IL36B: variants seen among roughly 807,000 people sequenced by gnomAD.
IL36B encodes the protein interleukin 36 beta.
In IL36B, 23 loss-of-function variants were observed where a neutral mutation model predicts 19.3. The ratio of observed to expected loss-of-function variants is 1.19; its 90% CI spans 0.86 to 1.69. The LOEUF (loss-of-function observed/expected upper bound fraction) is 1.69. Among genes scored for constraint, IL36B ranks in the 40% most tolerant of loss-of-function variants. The pLI, the probability that IL36B is intolerant of heterozygous loss-of-function variation, is 0.00. For synonymous variants in IL36B, 59 were observed against 59.7 expected, an observed-to-expected ratio of 0.99 and a Z score of 0.05; for missense variants, 217 against 200.5, an observed-to-expected ratio of 1.08 and a Z score of -0.50.
chr2:113,031,231 T>C, intron 2 of IL36B, 76 bp from the exon 3 acceptor site: 1 of 977,770 alleles, frequency 1.0e-6, no homozygotes, highest in South Asian at 1.3e-5. Flanking sequence ...CTGGTATTAA[T>C]GGCTTTTGAG....
rs35290985 is a variant in IL36B, at chr2:113,037,519, C to T, written c.-57-5753G>A. 1.9e-3 allele frequency among the ~76,000 whole-genome samples: 283 copies of T among 152,230 alleles called. 1 individual carries two copies. The highest frequency in any genetic ancestry group is 6.5e-3 in the African/African-American group (270 of 41,534). Reference sequence around the variant, plus strand: ...ACAAAATTAGCCAGGCGTGGTGGCACATGCTTGTAGTCCCAGCTACTCGGG... The same window carrying T: ...ACAAAATTAGCCAGGCGTGGTGGCATATGCTTGTAGTCCCAGCTACTCGGG... On this transcript the variant is annotated intron_variant, in intron 1 of 5. Transcript: ENST00000259213.
At chr2:113,034,352 A>C (rs1346786799) in intron 1 of IL36B, among the ~76,000 whole-genome samples, 2 of 152,218 alleles carry the variant, frequency 1.3e-5, no homozygotes, top group Non-Finnish European at 2.9e-5. Flanking sequence ...CAAAAAAGCC[A>C]ACTTCTCAAT....
intron 1 of IL36B, among the ~76,000 whole-genome samples, chr2:113,045,099 T>C (rs924389244): frequency 1.3e-5 from 2 of 152,200 alleles, no homozygotes; most frequent in Admixed American, 6.5e-5. Flanking sequence ...AAATCTCACA[T>C]ATGTATAAAT....
At chr2:113,049,037 T>C (rs1286334854) in intron 1 of IL36B, among the ~76,000 whole-genome samples, 2 of 152,232 alleles carry the variant, frequency 1.3e-5, no homozygotes, top group Non-Finnish European at 1.5e-5. Context: ...ATACTGATGA[T>C]GGCAGTTGTG....
At chr2:113,049,937 A>G (rs1685413480) in intron 1 of IL36B, among the ~76,000 whole-genome samples, 1 of 152,132 alleles carries the variant, frequency 6.6e-6, no homozygotes, top group Non-Finnish European at 1.5e-5. Context: ...CCTGGGCGAC[A>G]AGAGTGAAAC....
intron 1 of IL36B, among the ~76,000 whole-genome samples, chr2:113,044,670 G>A (rs1364980159): frequency 6.6e-6 from 1 of 151,960 alleles, no homozygotes. Context: ...AATTCAATCT[G>A]ACAATCTTTT....
At position 113,031,734 on chromosome 2, in the gene IL36B, G is replaced by A; in HGVS notation, c.-25C>T. On this transcript the variant is annotated 5_prime_UTR_variant, in exon 2 of 6. Coordinates refer to ENST00000259213, the MANE Select transcript of IL36B (RefSeq NM_014438.5). ...TGATGTCTTCAGAGCCTTTTGTGAA[G>A]AGAACAAGATAGATCAGATGGTGGT... 1 of 1,597,556 alleles carries A rather than the reference G, an allele frequency of 6.3e-7. No homozygotes were observed. The highest frequency in any genetic ancestry group is 8.6e-7 in the Non-Finnish European group (1 of 1,165,564).
intron 5 of IL36B, among the ~76,000 whole-genome samples, chr2:113,025,506 G>A (rs1040665862): frequency 6.6e-6 from 1 of 152,184 alleles, no homozygotes; most frequent in Admixed American, 6.5e-5. Context: ...ACAAATTTCT[G>A]CCTCTATGTA....
intron 3 of IL36B, among the ~76,000 whole-genome samples, chr2:113,029,563 C>T (rs1685034791): frequency 6.6e-6 from 1 of 152,198 alleles, no homozygotes; most frequent in African/African-American, 2.4e-5. Context: ...AGGATGTCTC[C>T]TGTATTTCCG....
At chr2:113,033,850 G>A (rs758400093) in intron 1 of IL36B, among the ~76,000 whole-genome samples, 14 of 152,198 alleles carry the variant, frequency 9.2e-5, no homozygotes, top group Admixed American at 5.9e-4. Flanking sequence ...AGTCAGACGC[G>A]GCTTCAATGT....
rs1573379170 is a variant in IL36B, at chr2:113,048,827, C to G, written c.-58+3990G>C. Among the ~76,000 whole-genome samples, 2 of 152,010 alleles carry G rather than the reference C, an allele frequency of 1.3e-5. 1 individual carries two copies. Among genetic ancestry groups the G allele is most frequent in the East Asian group, 3.9e-4 (2 of 5,182 alleles). ...AGAGGATACTACAAACAAATTTATG[C>G]CCATAAATTTAACATCTTAGATAAA... On this transcript the variant is annotated intron_variant, in intron 1 of 5. Transcript: ENST00000259213.
chr2:113,029,770 T>C (rs1685039525), intron 3 of IL36B, among the ~76,000 whole-genome samples: 1 of 152,060 alleles, frequency 6.6e-6, no homozygotes, highest in Admixed American at 6.6e-5. Context: ...GTAGGGGTGA[T>C]TCATCAATGC....
In IL36B at chr2:113,022,431, G is replaced by C. The variant is rs1483492306; in HGVS notation, c.*243C>G. The C allele has an allele frequency of 8.9e-6, 3 of 338,240 alleles. No homozygotes were observed. The highest frequency in any genetic ancestry group is 1.6e-5 in the Non-Finnish European group (3 of 184,352). The allele number at this position is 338,240 out of a possible 1,614,324, so 21.0% of individuals were successfully genotyped here. A position where few individuals can be genotyped will look rare whatever the true frequency, so the allele number is the denominator to read the frequency against. ...TACAATTTTTTAAAAAACACTCTAA[G>C]GACTGGACAAAACACATTTACAGGT... is the stretch of plus-strand genomic sequence containing the variant. On this transcript the variant is annotated 3_prime_UTR_variant, in exon 6 of 6. Transcript: ENST00000259213.
intron 4 of IL36B, chr2:113,027,478 A>G (rs893844520): frequency 2.0e-6 from 2 of 1,023,392 alleles, no homozygotes; most frequent in Admixed American, 1.0e-4. Flanking sequence ...CATTCATCTC[A>G]TTCTTCAGCT....
intron 1 of IL36B, among the ~76,000 whole-genome samples, chr2:113,048,571 C>T (rs1573379002): frequency 6.6e-6 from 1 of 152,032 alleles, no homozygotes; most frequent in Non-Finnish European, 1.5e-5. Flanking sequence ...GAGATTCCAC[C>T]TGAAGGTACT....
Position 113,030,029 on chromosome 2 carries a change from G to A in IL36B, c.122-951C>T, listed in dbSNP as rs139736130. Among the ~76,000 whole-genome samples, 269 of 152,246 alleles carry A rather than the reference G, an allele frequency of 1.8e-3. 2 individuals are homozygous for A. Among genetic ancestry groups the A allele is most frequent in the African/African-American group, 6.0e-3 (250 of 41,536 alleles). Reference sequence around the variant, plus strand: ...GGGCGGATCACGAGGTCAGGGGTTCGAGACCAGCCTGACCAATGTGGTGAA... The same window carrying A: ...GGGCGGATCACGAGGTCAGGGGTTCAAGACCAGCCTGACCAATGTGGTGAA... On this transcript the variant is annotated intron_variant, in intron 3 of 5. Coordinates refer to ENST00000259213, the MANE Select transcript of IL36B (RefSeq NM_014438.5).
At chr2:113,049,995 G>A (rs1295720290) in intron 1 of IL36B, among the ~76,000 whole-genome samples, 1 of 152,000 alleles carries the variant, frequency 6.6e-6, no homozygotes. Context: ...GAACCCTTGT[G>A]CACTGTTGGT....
chr2:113,041,750 A>AT (rs1685261888), intron 1 of IL36B, among the ~76,000 whole-genome samples: 1 of 152,156 alleles, frequency 6.6e-6, no homozygotes, highest in African/African-American at 2.4e-5. Context: ...AAGCAATCTA[A>AT]TTTTTTTAGA....
At chr2:113,040,898 G>A (rs1390177033) in intron 1 of IL36B, among the ~76,000 whole-genome samples, 1 of 152,164 alleles carries the variant, frequency 6.6e-6, no homozygotes, top group Non-Finnish European at 1.5e-5. Flanking sequence ...GCTCACGCCT[G>A]TAATTCCAGC....
Sources: allele counts gnomAD v4.1 joint callset (sites outside exome capture counted in the v4.1 genomes callset), GRCh38; gene constraint gnomAD v4.1.1; transcripts MANE v1.5; gene names NCBI Gene and HGNC (gene_info 2026-07-23, HGNC 2026-07-21).